PCLO: variants seen among roughly 807,000 people sequenced by gnomAD.
The protein encoded by PCLO is piccolo presynaptic cytomatrix protein.
Under a neutral mutation model 427.5 loss-of-function variants are expected in PCLO, and 82 were observed. That is an observed-to-expected ratio of 0.19 (90% CI 0.16 to 0.23). PCLO has a LOEUF of 0.23. Among genes scored for constraint, PCLO ranks in the 10% least tolerant of loss-of-function variants. The probability of loss-of-function intolerance (pLI) is 1.00; values close to 1 mark genes in which losing one functional copy is unlikely to be tolerated. For synonymous variants in PCLO, 2,357 were observed against 2,155.4 expected (o/e 1.09, Z -2.59); for missense variants, 6,239 against 6,115.9 (o/e 1.02, Z -0.67).
Position 82,760,734 on chromosome 7 carries a change from T to C in PCLO, c.15193A>G (p.Ile5065Val). The C allele has an allele frequency of 6.4e-7, 1 of 1,559,342 alleles. No individual in the cohort carries two copies. Among genetic ancestry groups the C allele is most frequent in the Non-Finnish European group, 8.8e-7 (1 of 1,134,364 alleles). Residue 5065 changes from isoleucine (I) to valine (V), a missense_variant, in exon 24 of 25, where the codon ATC (isoleucine) becomes GTC (valine). Ile to Val is a conservative substitution (Grantham distance 29, BLOSUM62 3). This residue lies in a region of PCLO where 877 missense variants were observed against 925.5 expected (regional missense o/e 0.95). Transcript: ENST00000333891. ...VMNISTQKKV[I>V]KKKTRVCRHD... ...CTGCATACTCTTGTTTTTTTCTTGA[T>C]CACCTTTTTTTGGGTAGAAATATTC...
chr7:82,977,800 A>C (rs2115749496), intron 3 of PCLO, among the ~76,000 whole-genome samples: 1 of 152,258 alleles, frequency 6.6e-6, no homozygotes, highest in Admixed American at 6.5e-5. Flanking sequence ...TAAAGAAATG[A>C]AATATGACCA....
chr7:83,129,363 T>C (rs1327261487), intron 3 of PCLO, among the ~76,000 whole-genome samples: 1 of 152,176 alleles, frequency 6.6e-6, no homozygotes, highest in Non-Finnish European at 1.5e-5. Context: ...ATTAAAATCA[T>C]CTATTTACGT....
At chr7:83,098,245 T>C (rs1355389510) in intron 3 of PCLO, among the ~76,000 whole-genome samples, 2 of 152,148 alleles carry the variant, frequency 1.3e-5, no homozygotes, top group Non-Finnish European at 2.9e-5. Context: ...TCACTAATAC[T>C]AATAAAATTT....
chr7:83,126,851 T>C (rs2116586885), intron 3 of PCLO, among the ~76,000 whole-genome samples: 1 of 152,214 alleles, frequency 6.6e-6, no homozygotes, highest in South Asian at 2.1e-4. Context: ...TATGCAACAA[T>C]GCAATATAAT....
chr7:82,956,152 C>A lies in PCLO; in HGVS notation c.4801G>T (p.Gly1601Cys), dbSNP rs1795512670. The stretch of plus-strand genomic sequence containing the variant: ...CTGTGTTTCCCTGCTGTTATTTTGC[C>A]TTTTCCCTTTGTTTCTTCCTTCTTC... Reference protein sequence around the residue: ...SQKKEETKGKGKITAGKHRRL... With the variant: ...SQKKEETKGKCKITAGKHRRL... Residue 1601 changes from glycine (G) to cysteine (C), a missense_variant, in exon 5 of 25, where the codon GGC becomes TGC. Coordinates refer to ENST00000333891, the MANE Select transcript of PCLO (RefSeq NM_033026.6). The A allele has an allele frequency of 6.2e-7, 1 of 1,608,474 alleles. No individual in the cohort carries two copies. Among genetic ancestry groups the A allele is most frequent in the African/African-American group, 1.3e-5 (1 of 74,904 alleles).
At chr7:83,081,129 C>G (rs1447094986) in intron 3 of PCLO, among the ~76,000 whole-genome samples, 2 of 151,870 alleles carry the variant, frequency 1.3e-5, no homozygotes, top group African/African-American at 4.8e-5. Context: ...GATAATCTGA[C>G]AAAGTAGAAA....
chr7:82,897,921 T>C (rs1158833143), intron 9 of PCLO, among the ~76,000 whole-genome samples: 1 of 151,448 alleles, frequency 6.6e-6, no homozygotes, highest in Admixed American at 6.6e-5. Context: ...TTTTTCTTTA[T>C]ATGTGTTACA....
chr7:82,773,512 T>G (rs971512262), intron 22 of PCLO, among the ~76,000 whole-genome samples: 2 of 152,180 alleles, frequency 1.3e-5, no homozygotes, highest in African/African-American at 4.8e-5. Flanking sequence ...GCAATAAATG[T>G]GATCCTCCTT....
At chr7:83,061,014 G>A (rs544602386) in intron 3 of PCLO, among the ~76,000 whole-genome samples, 2 of 152,030 alleles carry the variant, frequency 1.3e-5, no homozygotes, top group Non-Finnish European at 2.9e-5. Context: ...TAGATTATTG[G>A]GCACAACAGA....
chr7:82,797,980 T>C (rs1035067834), intron 22 of PCLO, among the ~76,000 whole-genome samples: 1 of 152,130 alleles, frequency 6.6e-6, no homozygotes, highest in Non-Finnish European at 1.5e-5. Flanking sequence ...AAATACTCAA[T>C]GACATTCTCA....
intron 22 of PCLO, among the ~76,000 whole-genome samples, chr7:82,789,052 AC>A (rs1182860183): frequency 3.3e-5 from 5 of 152,086 alleles, no homozygotes; most frequent in Admixed American, 6.6e-5. Context: ...TATTAAGAAA[AC>A]TATGAAAAAA....
At chr7:82,931,041 G>A (rs1421636767) in intron 6 of PCLO, among the ~76,000 whole-genome samples, 1 of 152,130 alleles carries the variant, frequency 6.6e-6, no homozygotes. Context: ...GAAAAAGACT[G>A]ATGCACTTTT....
chr7:82,839,902 A>AAATAATAATAAT (rs374069195), intron 14 of PCLO, among the ~76,000 whole-genome samples: 1 of 151,916 alleles, frequency 6.6e-6, no homozygotes, highest in African/African-American at 2.4e-5. Flanking sequence ...TGCTAAAATA[A>AAATAATAATAAT]AATAATAATA....
At chr7:82,979,175 G>T (rs1796092147) in intron 3 of PCLO, among the ~76,000 whole-genome samples, 1 of 152,002 alleles carries the variant, frequency 6.6e-6, no homozygotes, top group Non-Finnish European at 1.5e-5. Context: ...AGAATCCTAA[G>T]TCTCATATAT....
chr7:82,901,042 A>G (rs1049797394), intron 9 of PCLO, among the ~76,000 whole-genome samples: 2 of 151,992 alleles, frequency 1.3e-5, no homozygotes, highest in Non-Finnish European at 2.9e-5. Context: ...AATTTCCTGT[A>G]TAAGAATGTC....
At chr7:82,998,139 G>A (rs1257136452) in intron 3 of PCLO, among the ~76,000 whole-genome samples, 1 of 151,934 alleles carries the variant, frequency 6.6e-6, no homozygotes, top group Non-Finnish European at 1.5e-5. Context: ...TACTGGGGCT[G>A]GAAAACCTGA....
At position 83,126,438 on chromosome 7, in the gene PCLO, C is replaced by T. The variant is rs545083099; in HGVS notation, c.3300+7812G>A. 3.3e-5 allele frequency among the ~76,000 whole-genome samples: 5 copies of T among 152,096 alleles called. No homozygotes were observed. The South Asian group carries it at 1.0e-3, about 32-fold the overall frequency. On this transcript the variant is annotated intron_variant, in intron 3 of 24. Transcript: ENST00000333891. The stretch of plus-strand genomic sequence containing the variant: ...TTGAGCTGACAGACAACCCAGTTAT[C>T]CTGATGTGATTATTATATATTGTAT...
At chr7:82,921,543 T>C (rs1456231788) in intron 6 of PCLO, among the ~76,000 whole-genome samples, 1 of 152,040 alleles carries the variant, frequency 6.6e-6, no homozygotes, top group Non-Finnish European at 1.5e-5. Context: ...GTTAGCCACA[T>C]GCCAAAGATT....
chr7:82,854,891 A>G (rs1248075696), intron 10 of PCLO, among the ~76,000 whole-genome samples: 1 of 152,058 alleles, frequency 6.6e-6, no homozygotes, highest in African/African-American at 2.4e-5. Context: ...GCATATATAA[A>G]CTCCAAAATG....
Sources: gnomAD v4.1 joint callset for allele counts (sites outside exome capture counted in the v4.1 genomes callset) on GRCh38, gnomAD v4.1.1 for gene constraint, gnomAD v4.1.1 regional missense constraint, MANE v1.5 for transcripts, NCBI Gene and HGNC (gene_info 2026-07-23, HGNC 2026-07-21) for gene names.